RBM6: variants seen among roughly 807,000 people sequenced by gnomAD.
RBM6 encodes the protein RNA-binding protein 6.
Under a neutral mutation model 140.4 loss-of-function variants are expected in RBM6, and 23 were observed. That is an observed-to-expected ratio of 0.16 (90% CI 0.12 to 0.23). The LOEUF is 0.23. Among genes scored for constraint, RBM6 ranks in the 10% least tolerant of loss-of-function variants. The pLI, the probability that RBM6 is intolerant of heterozygous loss-of-function variation, is 1.00. For synonymous variants in RBM6, 439 were observed against 475.6 expected, an observed-to-expected ratio of 0.92 and a Z score of 1.00; for missense variants, 1,139 against 1,386.7, an observed-to-expected ratio of 0.82 and a Z score of 2.84.
At chr3:50,021,227 C>G (rs2087463535) in intron 6 of RBM6, among the ~76,000 whole-genome samples, 1 of 152,056 alleles carries the variant, frequency 6.6e-6, no homozygotes, top group Admixed American at 6.6e-5. Context: ...CGTATCCTTC[C>G]AGATTTTTCT....
At chr3:50,012,451 G>A (rs549586656) in intron 6 of RBM6, among the ~76,000 whole-genome samples, 4 of 151,772 alleles carry the variant, frequency 2.6e-5, no homozygotes, top group South Asian at 4.2e-4. Context: ...TCCACCTCCC[G>A]GGTTCACGCC....
At chr3:49,974,008 C>T (rs1384616622) in intron 4 of RBM6, among the ~76,000 whole-genome samples, 1 of 152,124 alleles carries the variant, frequency 6.6e-6, no homozygotes, top group Non-Finnish European at 1.5e-5. Flanking sequence ...AATGGTTCTC[C>T]TGCCTCAGCC....
At chr3:50,063,881 A>G (rs2090029020) in intron 15 of RBM6, among the ~76,000 whole-genome samples, 1 of 152,062 alleles carries the variant, frequency 6.6e-6, no homozygotes, top group Admixed American at 6.6e-5. Flanking sequence ...TCAGTTATGC[A>G]TTAGTGAAAA....
At position 49,948,827 on chromosome 3, in the gene RBM6, ATT is replaced by A. The variant is rs767843268; in HGVS notation, c.-67+8622_-67+8623del. On this transcript the variant is annotated intron_variant, in intron 1 of 20. Transcript: ENST00000266022. ...CAGAGTGAGACTATTTACATACCCA[ATT>A]TTTTTTTTTTTTTTTTTTTGGGATG... Among the ~76,000 whole-genome samples the A allele has an allele frequency of 3.9e-3, 384 of 98,878 alleles. 1 individual carries two copies. Among genetic ancestry groups the A allele is most frequent in the African/African-American group, 9.2e-3 (247 of 26,854 alleles). 64.9% of individuals were successfully genotyped at this position (98,878 alleles called of 152,430 possible). A position where few individuals can be genotyped will look rare whatever the true frequency, so the allele number is the denominator to read the frequency against.
At chr3:50,061,642 A>C in intron 14 of RBM6, 95 bp downstream of exon 14, 1 of 1,443,784 alleles carries the variant, frequency 6.9e-7, no homozygotes. Context: ...TGAGGATTTT[A>C]TTCCCTGGAT....
chr3:50,073,285 A>C (rs554706330), intron 19 of RBM6, among the ~76,000 whole-genome samples: 7 of 152,330 alleles, frequency 4.6e-5, no homozygotes, highest in Admixed American at 4.6e-4. Flanking sequence ...TATTTGGCTC[A>C]TGCTTCTGGA....
rs1443405843 is a variant in RBM6, at chr3:49,989,988, C to A, written c.1484-9452C>A. Among the ~76,000 whole-genome samples the A allele has an allele frequency of 2.0e-5, 3 of 152,206 alleles. No homozygotes were observed. In the East Asian group the frequency reaches 5.8e-4, roughly 29 times the overall value. ...TCTCGAACTCCTGACCTCAAGTGAT[C>A]TGCCCGCCTTGGCTTCCCAAAGTGC... On this transcript the variant is annotated intron_variant, in intron 5 of 20. Transcript: ENST00000266022.
chr3:49,943,874 C>T (rs1179924351), intron 1 of RBM6, among the ~76,000 whole-genome samples: 1 of 152,174 alleles, frequency 6.6e-6, no homozygotes, highest in African/African-American at 2.4e-5. Context: ...CACATCCTCC[C>T]CAACACTTAT....
rs57244510 is a variant in RBM6, at chr3:50,052,986, GGTGTGTGTGTGTGT to G, written c.1633-1312_1633-1299del. 3.1e-3 allele frequency among the ~76,000 whole-genome samples: 419 copies of G among 134,740 alleles called. 1 individual carries two copies. Among genetic ancestry groups the G allele is most frequent in the Middle Eastern group, 0.015 (4 of 264 alleles). The allele number at this position is 134,740 out of a possible 152,430, so 88.4% of individuals were successfully genotyped here. A position where few individuals can be genotyped will look rare whatever the true frequency, so the allele number is the denominator to read the frequency against. ...TAACAGCCATTTGGCAGTGGGCAGG[GGTGTGTGTGTGTGT>G]GTGTGTGTGTGTGTGTGTGTGTGTG... On this transcript the variant is annotated intron_variant, in intron 7 of 20. Transcript: ENST00000266022.
chr3:49,996,520 A>G (rs2086095557), intron 5 of RBM6, among the ~76,000 whole-genome samples: 1 of 152,150 alleles, frequency 6.6e-6, no homozygotes. Flanking sequence ...GTATCTTTCC[A>G]TATTGCTATA....
At chr3:50,012,519 G>T (rs1228001552) in intron 6 of RBM6, among the ~76,000 whole-genome samples, 1 of 151,502 alleles carries the variant, frequency 6.6e-6, no homozygotes, top group East Asian at 1.9e-4. Flanking sequence ...CACCACGCCC[G>T]GCTAAGTTTT....
intron 6 of RBM6, among the ~76,000 whole-genome samples, chr3:50,011,865 T>C (rs1411349044): frequency 6.6e-6 from 1 of 151,770 alleles, no homozygotes; most frequent in Non-Finnish European, 1.5e-5. Flanking sequence ...TTTTCTTTTT[T>C]TCTGGGACAC....
chr3:50,055,657 C>G (rs1434042952), intron 8 of RBM6, among the ~76,000 whole-genome samples: 1 of 152,180 alleles, frequency 6.6e-6, no homozygotes, highest in African/African-American at 2.4e-5. Flanking sequence ...TCTCCCACTC[C>G]TACTTCTTTG....
Position 49,967,876 on chromosome 3 carries a change from C to G in RBM6, c.451C>G (p.Pro151Ala). ...TATGGATTATAGAGGTAGGGAGGCA[C>G]CTCATATGAACTACAGAGACAGGGA... ...TSMDYRGREA[P>A]HMNYRDRDAH... is the part of the protein sequence containing the mutation. The change falls in exon 3 of 21, where the codon CCT (proline) becomes GCT (alanine). Residue 151 changes from proline (P) to alanine (A), a missense_variant. Physicochemically the swap from Pro to Ala is conservative, Grantham distance 27. This residue lies in a region of RBM6 where 566 missense variants were observed against 612.7 expected (regional missense o/e 0.92). Coordinates refer to ENST00000266022, the MANE Select transcript of RBM6 (RefSeq NM_005777.3). The surrounding 1 kb of genome is among the most constrained non-coding windows in gnomAD (Gnocchi z 4.0). 6.2e-7 allele frequency: 1 copy of G among 1,614,030 alleles called. No homozygotes were observed. Among genetic ancestry groups the G allele is most frequent in the Non-Finnish European group, 8.5e-7 (1 of 1,180,020 alleles).
intron 5 of RBM6, among the ~76,000 whole-genome samples, chr3:49,990,994 G>A (rs528131384): frequency 1.3e-5 from 2 of 152,274 alleles, no homozygotes; most frequent in Admixed American, 6.5e-5. Flanking sequence ...TCTTACTTCA[G>A]ACACCAATTG....
At chr3:50,076,921 C>T in intron 20 of RBM6, 87 bp from the exon 21 acceptor site, 1 of 1,308,954 alleles carries the variant, frequency 7.6e-7, no homozygotes, top group Non-Finnish European at 1.0e-6. Context: ...CTGCTTCTTA[C>T]TAGTCCAGAA....
chr3:50,054,500 C>G, intron 8 of RBM6, 105 bp downstream of exon 8: 2 of 956,892 alleles, frequency 2.1e-6, no homozygotes, highest in Non-Finnish European at 1.6e-6. Context: ...CCAAGTTGAT[C>G]TACAAACCTT....
In RBM6 at chr3:50,077,210, G is replaced by A. The variant is rs1285456868; in HGVS notation, c.*77G>A. ...CTCCTTTTCTTTTGTTACTGTTCTTGCTGCTAGAACTTTTTTAAATAAACT... is the reference window on the plus strand; with the variant it reads ...CTCCTTTTCTTTTGTTACTGTTCTTACTGCTAGAACTTTTTTAAATAAACT... On this transcript the variant is annotated 3_prime_UTR_variant, in exon 21 of 21. Transcript: ENST00000266022. 3.4e-6 allele frequency: 5 copies of A among 1,459,978 alleles called. No homozygotes were observed. The East Asian group carries it at 1.3e-4, about 37-fold the overall frequency. The allele number at this position is 1,459,978 out of a possible 1,614,324, so 90.4% of individuals were successfully genotyped here.
chr3:50,052,553 G>C (rs2089512855), intron 7 of RBM6, among the ~76,000 whole-genome samples: 1 of 152,156 alleles, frequency 6.6e-6, no homozygotes, highest in Admixed American at 6.6e-5. Flanking sequence ...ATAATCTATA[G>C]GTTTATTCCT....
Sources: allele counts gnomAD v4.1 joint callset (sites outside exome capture counted in the v4.1 genomes callset), GRCh38; gene constraint gnomAD v4.1.1; regional missense constraint gnomAD v4.1.1; non-coding constraint Gnocchi (gnomAD v3.1); transcripts MANE v1.5; gene names NCBI Gene and HGNC (gene_info 2026-07-23, HGNC 2026-07-21).